The following OSTC variants were observed in gnomAD, a reference collection of about 807,000 sequenced individuals.
The protein encoded by OSTC is oligosaccharyltransferase complex subunit OSTC.
Under a neutral mutation model 16.4 loss-of-function variants are expected in OSTC, and 16 were observed. The observed-to-expected ratio is 0.98, with a 90% CI of 0.66 to 1.49. The LOEUF (loss-of-function observed/expected upper bound fraction) is 1.49. Among genes scored for constraint, OSTC ranks in the 40% most tolerant of loss-of-function variants. The pLI, the probability that OSTC is intolerant of heterozygous loss-of-function variation, is 0.00. For missense variants in OSTC, 139 were observed against 186.3 expected, an observed-to-expected ratio of 0.75 and a Z score of 1.48; for synonymous variants, 67 against 68.5, an observed-to-expected ratio of 0.98 and a Z score of 0.11.
At chr4:108,652,102 T>C (rs1726569525) in intron 1 of OSTC, 1 of 152,136 alleles carries the variant, frequency 6.6e-6, no homozygotes, top group Non-Finnish European at 1.5e-5. Flanking sequence ...TTAAAAATAA[T>C]AGACTTTTAA....
chr4:108,660,355 T>G (rs567660790), intron 3 of OSTC, among the ~76,000 whole-genome samples: 1 of 152,320 alleles, frequency 6.6e-6, no homozygotes, highest in East Asian at 1.9e-4. Context: ...TCCTAATGCC[T>G]GGTACCTTGG....
chr4:108,661,961 A>G (rs752306460), intron 3 of OSTC, among the ~76,000 whole-genome samples: 2 of 152,196 alleles, frequency 1.3e-5, no homozygotes, highest in Non-Finnish European at 2.9e-5. Flanking sequence ...GTAATGCCCT[A>G]AAGTCAGGTG....
intron 3 of OSTC, among the ~76,000 whole-genome samples, chr4:108,665,445 C>T (rs1375336939): frequency 1.4e-4 from 16 of 114,114 alleles, no homozygotes; most frequent in Middle Eastern, 5.7e-3. Flanking sequence ...TGTTGTAAAC[C>T]TTTTTTTTTT....
At chr4:108,663,280 C>T (rs1217742848) in intron 3 of OSTC, 6 of 451,508 alleles carry the variant, frequency 1.3e-5, no homozygotes, top group Admixed American at 4.8e-5. Context: ...GGCGTGATCT[C>T]GGCTCACTAC....
In OSTC at chr4:108,650,684, T is replaced by A; in HGVS notation, c.29T>A (p.Leu10Ter). The change falls in exon 1 of 4, where the codon TTA becomes TAA. Residue 10 changes from leucine (L) to a stop codon, truncating the protein, a stop_gained. Transcript: ENST00000361564. LOFTEE classifies it high-confidence loss of function. ...GAGACTTTGTACCGTGTCCCGTTCT[T>A]AGTGCTCGAATGTCCCAACCTGAAG... METLYRVPF[L>*]VLECPNLKLK... The A allele has an allele frequency of 5.0e-6, 8 of 1,614,176 alleles. No homozygotes were observed. The highest frequency in any genetic ancestry group is 6.8e-6 in the Non-Finnish European group (8 of 1,180,014).
chr4:108,655,417 A>C (rs554994777), intron 1 of OSTC, 147 bp from the exon 2 acceptor site: 2 of 485,038 alleles, frequency 4.1e-6, no homozygotes, highest in East Asian at 4.1e-5. Flanking sequence ...CAGTAAGCCA[A>C]GTGGCGCCAC....
At chr4:108,656,607 ATAAT>A (rs1726709094) in intron 2 of OSTC, among the ~76,000 whole-genome samples, 1 of 151,682 alleles carries the variant, frequency 6.6e-6, no homozygotes, top group Non-Finnish European at 1.5e-5. Context: ...ACTTTTACAT[ATAAT>A]TAGAGGGGTT....
chr4:108,652,594 G>C (rs1169397623), intron 1 of OSTC, among the ~76,000 whole-genome samples: 2 of 152,156 alleles, frequency 1.3e-5, no homozygotes, highest in Non-Finnish European at 2.9e-5. Context: ...CTGACAAATA[G>C]TCAGCAAATA....
chr4:108,661,329 G>A (rs1460889917), intron 3 of OSTC, among the ~76,000 whole-genome samples: 1 of 151,934 alleles, frequency 6.6e-6, no homozygotes, highest in Non-Finnish European at 1.5e-5. Context: ...TATTAGTACA[G>A]TCTCAAAGGA....
intron 3 of OSTC, among the ~76,000 whole-genome samples, chr4:108,659,156 A>G (rs1441988089): frequency 1.8e-4 from 8 of 45,336 alleles, no homozygotes; most frequent in Admixed American, 5.3e-4. Flanking sequence ...TTTTTTTTGT[A>G]TTTTTAGTAG....
intron 2 of OSTC, among the ~76,000 whole-genome samples, chr4:108,657,000 G>T (rs1271205795): frequency 6.6e-6 from 1 of 151,830 alleles, no homozygotes; most frequent in East Asian, 1.9e-4. Context: ...CTGGGAGGTG[G>T]AGGTTGCAGT....
At position 108,659,298 on chromosome 4, in the gene OSTC, T is replaced by C. The variant is rs1217587441; in HGVS notation, c.431+1651T>C. Among the ~76,000 whole-genome samples, 7 of 151,974 alleles carry C rather than the reference T, an allele frequency of 4.6e-5. No individual in the cohort carries two copies. In the East Asian group the frequency reaches 1.2e-3, roughly 25 times the overall value. Reference sequence around the variant, plus strand: ...CCCGGCCAGCAGCTCTTATTTTCATTTGGGGAAGGCATTTCTGGCCATTGG... The same window carrying C: ...CCCGGCCAGCAGCTCTTATTTTCATCTGGGGAAGGCATTTCTGGCCATTGG... On this transcript the variant is annotated intron_variant, in intron 3 of 3. Transcript: ENST00000361564.
chr4:108,663,202 C>G (rs1198114733), intron 3 of OSTC: 1 of 455,470 alleles, frequency 2.2e-6, no homozygotes, highest in African/African-American at 2.0e-5. Flanking sequence ...ATGAATAAAC[C>G]ATTACTGTTT....
At chr4:108,651,690 A>C (rs1385745835) in intron 1 of OSTC, among the ~76,000 whole-genome samples, 1 of 147,526 alleles carries the variant, frequency 6.8e-6, no homozygotes, top group African/African-American at 2.7e-5. Context: ...TTATAAAATT[A>C]ATTTAGATTT....
At chr4:108,664,124 C>T (rs1744258276) in intron 3 of OSTC, among the ~76,000 whole-genome samples, 1 of 149,318 alleles carries the variant, frequency 6.7e-6, no homozygotes, top group Admixed American at 6.6e-5. Context: ...ATCGTTATAA[C>T]ATTATAATAT....
At chr4:108,655,437 A>C in intron 1 of OSTC, 127 bp from the exon 2 acceptor site, 1 of 560,110 alleles carries the variant, frequency 1.8e-6, no homozygotes, top group Non-Finnish European at 2.9e-6. Context: ...CTGCACTCTC[A>C]ACCTGGGCGA....
Position 108,650,802 on chromosome 4 carries a change from G to C in OSTC, c.139+8G>C. ...ACTTCCTCATCACCGGAGGTAACTC[G>C]GGCTGTCGGGCCCGAGAGGCTGAGG... On this transcript the variant is annotated splice_region_variant and intron_variant, in intron 1 of 3. Coordinates refer to ENST00000361564, the MANE Select transcript of OSTC (RefSeq NM_021227.4). 1 of 1,614,014 alleles carries C rather than the reference G, an allele frequency of 6.2e-7. No homozygotes were observed. Among genetic ancestry groups the C allele is most frequent in the Non-Finnish European group, 8.5e-7 (1 of 1,179,964 alleles).
intron 3 of OSTC, among the ~76,000 whole-genome samples, chr4:108,662,654 A>G (rs1288596862): frequency 6.6e-6 from 1 of 152,174 alleles, no homozygotes; most frequent in Non-Finnish European, 1.5e-5. Context: ...TAACCTAGCT[A>G]TTAATTACCT....
intron 3 of OSTC, chr4:108,663,130 CTAAAGA>C (rs1260046800): frequency 2.3e-6 from 1 of 440,596 alleles, no homozygotes; most frequent in African/African-American, 2.0e-5. Flanking sequence ...TGTTTTCATT[CTAAAGA>C]TAGAGTCCTA....
Sources: allele counts gnomAD v4.1 joint callset (sites outside exome capture counted in the v4.1 genomes callset), GRCh38; gene constraint gnomAD v4.1.1; transcripts MANE v1.5; gene names NCBI Gene and HGNC (gene_info 2026-07-23, HGNC 2026-07-21).